The following ELOVL6 variants were observed in gnomAD, a reference collection of about 807,000 sequenced individuals.
The protein encoded by ELOVL6 is ELOVL fatty acid elongase 6.
Under a neutral mutation model 31.7 loss-of-function variants are expected in ELOVL6, and 8 were observed. The observed-to-expected ratio is 0.25, with a 90% CI of 0.15 to 0.45. ELOVL6 has a LOEUF of 0.45. ELOVL6 is among the 20% of genes least tolerant of loss of function. ELOVL6 has a pLI of 1.00. For missense variants in ELOVL6, 126 were observed against 326.4 expected, an observed-to-expected ratio of 0.39 and a Z score of 4.73; for synonymous variants, 101 against 117.7, an observed-to-expected ratio of 0.86 and a Z score of 0.92.
intron 1 of ELOVL6, among the ~76,000 whole-genome samples, chr4:110,121,371 G>A (rs1757352597): frequency 6.6e-6 from 1 of 152,156 alleles, no homozygotes. Context: ...AAATGAGCAT[G>A]AAAAGATCTA....
In ELOVL6 at chr4:110,196,402, G is replaced by GCGCCCGCCGGCTCCGGCCAC. The variant is rs1759785392; in HGVS notation, c.89+1825_89+1844dup. On this transcript the variant is annotated intron_variant, in intron 1 of 3. Coordinates refer to ENST00000302274, the MANE Select transcript of ELOVL6 (RefSeq NM_024090.3). ...GGGGCTAGCCAGCAGCGCGGTTCCG[G>GCGCCCGCCGGCTCCGGCCAC]CGCCCGCCGGCTCCGGCCACCGCCC... Among the ~76,000 whole-genome samples the GCGCCCGCCGGCTCCGGCCAC allele has an allele frequency of 2.0e-5, 3 of 152,294 alleles. No homozygotes were observed. The East Asian group carries it at 5.8e-4, about 29-fold the overall frequency.
chr4:110,147,983 G>A (rs1427825839), intron 1 of ELOVL6, among the ~76,000 whole-genome samples: 4 of 151,956 alleles, frequency 2.6e-5, no homozygotes, highest in Admixed American at 6.6e-5. Flanking sequence ...GTGTGGTGGC[G>A]CATGCCTGTA....
intron 2 of ELOVL6, among the ~76,000 whole-genome samples, chr4:110,101,351 T>G (rs920017849): frequency 2.0e-5 from 3 of 152,144 alleles, no homozygotes; most frequent in African/African-American, 7.2e-5. Flanking sequence ...GAAGAGCATA[T>G]TTTTGATGAA....
rs28583014 is a variant in ELOVL6, at chr4:110,050,995, T to A, written c.*343A>T. 0.13 allele frequency: 28,907 copies of A among 224,612 alleles called. 3,148 individuals are homozygous for A. The highest frequency in any genetic ancestry group is 0.33 in the African/African-American group (14,427 of 43,386). The allele number at this position is 224,612 out of a possible 1,614,324, so 13.9% of individuals were successfully genotyped here. On this transcript the variant is annotated 3_prime_UTR_variant, in exon 4 of 4. Transcript: ENST00000302274. ...GAAATGTGACACTTAGTAAATACAT[T>A]TTTTCCTATGTGTTAATAGCCTTTG...
chr4:110,066,912 C>T (rs1755321780), intron 2 of ELOVL6, among the ~76,000 whole-genome samples: 1 of 152,080 alleles, frequency 6.6e-6, no homozygotes, highest in African/African-American at 2.4e-5. Flanking sequence ...GCTCTCCCTC[C>T]CCATTGCCCC....
At chr4:110,174,587 T>C (rs747670509) in intron 1 of ELOVL6, among the ~76,000 whole-genome samples, 3 of 152,192 alleles carry the variant, frequency 2.0e-5, no homozygotes, top group Non-Finnish European at 2.9e-5. Flanking sequence ...AGACTAGACT[T>C]ACCAAGTTTT....
chr4:110,132,839 A>T (rs994821198), intron 1 of ELOVL6, among the ~76,000 whole-genome samples: 3 of 145,170 alleles, frequency 2.1e-5, no homozygotes, highest in Admixed American at 6.9e-5. Context: ...GACTGTCTTT[A>T]AAAAAAAAAA....
rs1042583328 is a variant in ELOVL6 at position 110,137,601 on chromosome 4, T to C, written c.90-31973A>G. ...TATCTGAATTCAAAAGGTAAAAAGC[T>C]AATGCTCAGTCTTATCAGATTTATC... On this transcript the variant is annotated intron_variant, in intron 1 of 3. Transcript: ENST00000302274. Among the ~76,000 whole-genome samples the C allele has an allele frequency of 5.9e-5, 9 of 152,336 alleles. No homozygotes were observed. The East Asian group carries it at 1.3e-3, about 23-fold the overall frequency.
chr4:110,089,229 T>G (rs757271615), intron 2 of ELOVL6, among the ~76,000 whole-genome samples: 5 of 152,180 alleles, frequency 3.3e-5, no homozygotes, highest in Non-Finnish European at 7.3e-5. Flanking sequence ...TGAACAAGTG[T>G]GGAGACGGTA....
chr4:110,140,022 T>C (rs930737385), intron 1 of ELOVL6, among the ~76,000 whole-genome samples: 1 of 152,204 alleles, frequency 6.6e-6, no homozygotes, highest in African/African-American at 2.4e-5. Flanking sequence ...TGATTATCTA[T>C]GACTTCCCTA....
chr4:110,093,439 T>C (rs142255557), intron 2 of ELOVL6, among the ~76,000 whole-genome samples: 2,287 of 152,258 alleles, frequency 0.015, 31 homozygotes, highest in Non-Finnish European at 0.025. Flanking sequence ...TCATATAAGG[T>C]TATCAAGTCA....
rs1404551999 is a variant in ELOVL6 at position 110,059,610 on chromosome 4, G to A, written c.366C>T (p.Pro122=). The A allele has an allele frequency of 2.5e-6, 4 of 1,613,290 alleles. No individual in the cohort carries two copies. The highest frequency in any genetic ancestry group is 1.7e-5 in the Admixed American group (1 of 59,944). Residue 122 remains proline, a synonymous_variant, in exon 3 of 4, where the codon CCC becomes CCT. Coordinates refer to ENST00000302274, the MANE Select transcript of ELOVL6 (RefSeq NM_024090.3). ...WAYAFVLSKA[P]ELGDTIFIIL... ...ATGGAAGAAGATACTCACCTAGTTC[G>A]GGTGCTTTGCTTAGCACAAATGCAT...
chr4:110,195,279 G>A (rs140274596), intron 1 of ELOVL6, among the ~76,000 whole-genome samples: 4 of 152,054 alleles, frequency 2.6e-5, no homozygotes, highest in African/African-American at 4.8e-5. Flanking sequence ...CACCACGCTC[G>A]GCTAATTTTT....
chr4:110,127,853 C>T (rs184833372), intron 1 of ELOVL6, among the ~76,000 whole-genome samples: 1 of 152,212 alleles, frequency 6.6e-6, no homozygotes, highest in Admixed American at 6.5e-5. Flanking sequence ...AGACACACTC[C>T]TTGCACCCAG....
chr4:110,084,414 C>CATATATCACATATATCATAT (rs1472698963), intron 2 of ELOVL6, among the ~76,000 whole-genome samples: 1 of 22,892 alleles, frequency 4.4e-5, no homozygotes, highest in South Asian at 1.3e-3. Context: ...ATATGACATA[C>CATATATCACATATATCATAT]ATGATATATC....
intron 3 of ELOVL6, among the ~76,000 whole-genome samples, chr4:110,053,808 G>A (rs1158053921): frequency 1.3e-5 from 2 of 152,162 alleles, no homozygotes; most frequent in African/African-American, 4.8e-5. Flanking sequence ...GTGTGGTGGT[G>A]GGTGCCTGTG....
intron 1 of ELOVL6, 125 bp from the exon 2 acceptor site, chr4:110,105,753 G>T: frequency 1.2e-6 from 1 of 857,076 alleles, no homozygotes; most frequent in Non-Finnish European, 1.8e-6. Flanking sequence ...CTTCACTGAA[G>T]AGGGAGTCTA....
Position 110,119,697 on chromosome 4 carries a change from T to C in ELOVL6, c.90-14069A>G, listed in dbSNP as rs76839857. ...TTTTTTCTCTTTGCCCCTTCACAGA[T>C]TCAAAGCCAAAAAAAGAGAGAAAGA... On this transcript the variant is annotated intron_variant, in intron 1 of 3. Transcript: ENST00000302274. 0.019 allele frequency among the ~76,000 whole-genome samples: 2,819 copies of C among 152,142 alleles called. 211 individuals are homozygous for C. In the East Asian group the frequency reaches 0.19, roughly 11 times the overall value.
At chr4:110,090,764 C>T (rs1460351288) in intron 2 of ELOVL6, among the ~76,000 whole-genome samples, 1 of 151,912 alleles carries the variant, frequency 6.6e-6, no homozygotes, top group Non-Finnish European at 1.5e-5. Flanking sequence ...ACCACCATGC[C>T]CGGCTAATTT....
Sources: allele counts gnomAD v4.1 joint callset (sites outside exome capture counted in the v4.1 genomes callset), GRCh38; gene constraint gnomAD v4.1.1; transcripts MANE v1.5; gene names NCBI Gene and HGNC (gene_info 2026-07-23, HGNC 2026-07-21).